Variants in LRP1 observed in about 807,000 individuals in gnomAD.
LRP1 encodes the protein LDL receptor related protein 1.
In LRP1, 51 loss-of-function variants were observed where a neutral mutation model predicts 541.5. The observed-to-expected ratio is 0.09, with a 90% confidence interval of 0.08 to 0.12. The LOEUF (loss-of-function observed/expected upper bound fraction) is 0.12, where lower values mean the gene tolerates loss of function less well. Ranked by LOEUF, LRP1 falls within the 10% of genes least tolerant of loss-of-function variation. The pLI, the probability that LRP1 is intolerant of heterozygous loss-of-function variation, is 1.00. For missense variants in LRP1, 3,878 were observed against 6,376.2 expected, an observed-to-expected ratio of 0.61 and a Z score of 13.34; for synonymous variants, 2,219 against 2,470.8, an observed-to-expected ratio of 0.90 and a Z score of 3.02.
At chr12:57,152,133 G>C (rs1016256008) in intron 6 of LRP1, among the ~76,000 whole-genome samples, 1 of 152,116 alleles carries the variant, frequency 6.6e-6, no homozygotes, top group Non-Finnish European at 1.5e-5. Flanking sequence ...CTGAGGCTGG[G>C]GGGGCTGATT....
At chr12:57,130,499 G>A (rs757704721) in intron 1 of LRP1, among the ~76,000 whole-genome samples, 2 of 140,558 alleles carry the variant, frequency 1.4e-5, no homozygotes, top group Non-Finnish European at 3.1e-5. Context: ...CCGCACAGCC[G>A]GCTTCTGCCT....
intron 76 of LRP1, 110 bp from the exon 77 acceptor site, chr12:57,207,928 G>T: frequency 5.8e-6 from 7 of 1,208,764 alleles, no homozygotes; most frequent in Non-Finnish European, 8.2e-6. Context: ...TAAAGCCAGG[G>T]TCCTGGCTGT....
chr12:57,204,635 G>T lies in LRP1; in HGVS notation c.11080G>T (p.Val3694Leu), dbSNP rs146573053. 25 of 1,613,754 alleles carry T rather than the reference G, an allele frequency of 1.5e-5. No individual in the cohort carries two copies. The highest frequency in any genetic ancestry group is 2.1e-5 in the Non-Finnish European group (25 of 1,180,012). The part of the protein sequence containing the change: ...DENPEECARF[V>L]CPPNRPFRCK... The stretch of plus-strand genomic sequence containing the variant: ...CCCCCTGGCTGCTGCAGCCCGGTTC[G>T]TGTGCCCTCCCAACCGGCCCTTCCG... The change falls in exon 72 of 89, where the codon GTG becomes TTG. Residue 3694 changes from valine (V) to leucine (L), a missense_variant. This residue lies in a region of LRP1 where 871 missense variants were observed against 1,212.4 expected (regional missense o/e 0.72). Transcript: ENST00000243077. This position sits in a 1 kb window ranked among gnomAD's most constrained non-coding sequence, Gnocchi z 5.3.
At chr12:57,171,661 G>A (rs1401439996) in intron 20 of LRP1, among the ~76,000 whole-genome samples, 1 of 152,110 alleles carries the variant, frequency 6.6e-6, no homozygotes, top group East Asian at 1.9e-4. Flanking sequence ...AGATTGAGAA[G>A]AGGTTCAGGG....
intron 20 of LRP1, among the ~76,000 whole-genome samples, chr12:57,172,213 C>G (rs1026925728): frequency 6.6e-6 from 1 of 151,896 alleles, no homozygotes; most frequent in African/African-American, 2.4e-5. Context: ...CTCTGTCGCC[C>G]AGGCTGGAGT....
Position 57,183,824 on chromosome 12 carries a change from G to A in LRP1, c.5844G>A (p.Arg1948=). The stretch of plus-strand genomic sequence containing the variant: ...ACATGGGCCTGAGCACGATCAGCCG[G>A]GCCAAGCGGGACCAGACGTGGCGTG... The part of the protein sequence containing the change: ...WVDMGLSTIS[R]AKRDQTWRED... Residue 1948 remains arginine (R), a synonymous_variant, in exon 36 of 89, where the codon CGG becomes CGA. Coordinates refer to ENST00000243077, the MANE Select transcript of LRP1 (RefSeq NM_002332.3). The surrounding 1 kb of genome is among the most constrained non-coding windows in gnomAD (Gnocchi z 6.1). The A allele has an allele frequency of 6.2e-7, 1 of 1,614,158 alleles. No homozygotes were observed. The highest frequency in any genetic ancestry group is 8.5e-7 in the Non-Finnish European group (1 of 1,180,038).
rs770746252 is a variant in LRP1 at position 57,209,087 on chromosome 12, G to C, written c.12150G>C (p.Leu4050=). The part of the protein sequence containing the change: ...VQDNIQWPTG[L]AVDYHNERLY... ...CAGTGCTCTCTCTCTCCCCAGGCCTGGCCGTGGATTATCACAATGAGCGGC... is the reference window on the plus strand; with the variant it reads ...CAGTGCTCTCTCTCTCCCCAGGCCTCGCCGTGGATTATCACAATGAGCGGC... Residue 4050 remains leucine, a synonymous_variant, in exon 79 of 89, where the codon CTG becomes CTC. Coordinates refer to ENST00000243077, the MANE Select transcript of LRP1 (RefSeq NM_002332.3). 1 of 1,612,646 alleles carries C rather than the reference G, an allele frequency of 6.2e-7. No homozygotes were observed. Among genetic ancestry groups the C allele is most frequent in the African/African-American group, 1.3e-5 (1 of 75,034 alleles).
At position 57,201,093 on chromosome 12, in the gene LRP1, G is replaced by A. The variant is rs138926827; in HGVS notation, c.10285G>A (p.Gly3429Ser). Residue 3429 changes from glycine to serine, a missense_variant, in exon 65 of 89, where the codon GGC becomes AGC. Around this residue, in one of 13 missense-constraint regions of LRP1, gnomAD observed 278 missense variants for 536.3 expected, o/e 0.52. Coordinates refer to ENST00000243077, the MANE Select transcript of LRP1 (RefSeq NM_002332.3). This position sits in a 1 kb window ranked among gnomAD's most constrained non-coding sequence, Gnocchi z 6.4. The stretch of plus-strand genomic sequence containing the variant: ...CACCAACACCAACCGCTGTATTCCC[G>A]GCATCTTCCGCTGCAATGGGCAGGA... Reference protein sequence around the residue: ...KCTNTNRCIPGIFRCNGQDNC... With the variant: ...KCTNTNRCIPSIFRCNGQDNC... 7.4e-6 allele frequency: 12 copies of A among 1,613,740 alleles called. No homozygotes were observed. The highest frequency in any genetic ancestry group is 4.5e-5 in the East Asian group (2 of 44,862).
chr12:57,204,753 A>G lies in LRP1; in HGVS notation c.11194+4A>G. 1 of 1,613,798 alleles carries G rather than the reference A, an allele frequency of 6.2e-7. No individual in the cohort carries two copies. The highest frequency in any genetic ancestry group is 8.5e-7 in the Non-Finnish European group (1 of 1,179,906). Reference sequence around the variant, plus strand: ...GGGACTGATGAAGAGGACTGTGGTGAGCAGGGGGCCGACGAGAGGCCTGCA... The same window carrying G: ...GGGACTGATGAAGAGGACTGTGGTGGGCAGGGGGCCGACGAGAGGCCTGCA... On this transcript the variant is annotated splice_donor_region_variant and intron_variant, in intron 72 of 88. Transcript: ENST00000243077. This position sits in a 1 kb window ranked among gnomAD's most constrained non-coding sequence, Gnocchi z 5.3.
intron 1 of LRP1, among the ~76,000 whole-genome samples, chr12:57,136,896 A>C (rs1034018257): frequency 2.0e-5 from 3 of 152,170 alleles, no homozygotes; most frequent in African/African-American, 7.2e-5. Flanking sequence ...ATGATGATAC[A>C]TGGAAAAAAC....
At chr12:57,210,645 C>A in intron 82 of LRP1, 73 bp from the exon 83 acceptor site, 1 of 1,531,478 alleles carries the variant, frequency 6.5e-7, no homozygotes, top group Non-Finnish European at 8.9e-7. Context: ...CAGGTCCCCC[C>A]AGCCCATTCC....
chr12:57,186,638 C>G (rs1209948356), intron 41 of LRP1, among the ~76,000 whole-genome samples: 1 of 152,210 alleles, frequency 6.6e-6, no homozygotes, highest in Non-Finnish European at 1.5e-5. Context: ...GCATCCGAAG[C>G]TAAACTCGGT....
chr12:57,202,916 C>A, intron 68 of LRP1: 1 of 574,758 alleles, frequency 1.7e-6, no homozygotes, highest in Non-Finnish European at 3.1e-6. Context: ...GCTCCCCTCC[C>A]CAAACACAGT....
intron 50 of LRP1, 28 bp downstream of exon 50, chr12:57,194,727 C>G: frequency 6.6e-7 from 1 of 1,524,142 alleles, no homozygotes; most frequent in Non-Finnish European, 8.8e-7. Flanking sequence ...CCACTCAGTG[C>G]TCCAAGAGCC....
rs1474974111 is a variant in LRP1 at position 57,205,029 on chromosome 12, G to A, written c.11195-80G>A. On this transcript the variant is annotated intron_variant, in intron 72 of 88. Coordinates refer to ENST00000243077, the MANE Select transcript of LRP1 (RefSeq NM_002332.3). The surrounding 1 kb of genome is among the most constrained non-coding windows in gnomAD (Gnocchi z 4.6). ...AAGCCTTGTCACTTAGGAATTGGGA[G>A]CCACTGTTATCTATGGGGTTGCCGT... 1.3e-6 allele frequency: 2 copies of A among 1,523,090 alleles called. No individual in the cohort carries two copies. The highest frequency in any genetic ancestry group is 4.2e-5 in the Admixed American group (2 of 48,138). The allele number at this position is 1,523,090 out of a possible 1,614,324, so 94.3% of individuals were successfully genotyped here.
Position 57,204,136 on chromosome 12 carries a change from GC to G in LRP1, c.10952-273del. On this transcript the variant is annotated intron_variant, in intron 70 of 88. Transcript: ENST00000243077. This position sits in a 1 kb window ranked among gnomAD's most constrained non-coding sequence, Gnocchi z 5.3. ...AGCCCAGTGCTGTTCCCACGTCCCC[GC>G]TGTGGAACTACACAGCACAGTGCCC... The G allele has an allele frequency of 2.9e-6, 1 of 350,108 alleles. No homozygotes were observed. Among genetic ancestry groups the G allele is most frequent in the Non-Finnish European group, 5.2e-6 (1 of 193,426 alleles). 21.7% of individuals were successfully genotyped at this position (350,108 alleles called of 1,614,324 possible). A position where few individuals can be genotyped will look rare whatever the true frequency, so the allele number is the denominator to read the frequency against.
chr12:57,187,211 T>C, intron 41 of LRP1, 56 bp from the exon 42 acceptor site: 1 of 1,554,824 alleles, frequency 6.4e-7, no homozygotes, highest in South Asian at 1.2e-5. Flanking sequence ...CCACGGCTCC[T>C]GTGCAGGCTG....
In LRP1 at chr12:57,201,810, G is replaced by C. The variant is rs755361380; in HGVS notation, c.10499G>C (p.Arg3500Pro). 4.3e-6 allele frequency: 7 copies of C among 1,613,964 alleles called. No individual in the cohort carries two copies. The Admixed American group carries it at 8.3e-5, about 19-fold the overall frequency. The change falls in exon 67 of 89, where the codon CGC becomes CCC. Residue 3500 changes from arginine to proline, a missense_variant. Transcript: ENST00000243077. The surrounding 1 kb of genome is among the most constrained non-coding windows in gnomAD (Gnocchi z 6.4). Reference sequence around the variant, plus strand: ...ATGACCTGTGGTGTGGACGAGTTCCGCTGCAAGGATTCGGGCCGCTGCATC... The same window carrying C: ...ATGACCTGTGGTGTGGACGAGTTCCCCTGCAAGGATTCGGGCCGCTGCATC... ...TQMTCGVDEF[R>P]CKDSGRCIPA...
intron 68 of LRP1, 35 bp downstream of exon 68, chr12:57,202,572 C>T: frequency 6.8e-7 from 1 of 1,479,810 alleles, no homozygotes; most frequent in Non-Finnish European, 9.2e-7. Context: ...GCATGAGCCC[C>T]TCCCAGGCCT....
Sources: gnomAD v4.1 joint callset for allele counts (sites outside exome capture counted in the v4.1 genomes callset) on GRCh38, gnomAD v4.1.1 for gene constraint, gnomAD v4.1.1 regional missense constraint, Gnocchi (gnomAD v3.1) non-coding constraint, MANE v1.5 for transcripts, NCBI Gene and HGNC (gene_info 2026-07-23, HGNC 2026-07-21) for gene names.